Variants in LMF1 observed in about 807,000 individuals in gnomAD.
LMF1 encodes the protein transmembrane protein 112.
A neutral mutation model predicts 60.6 loss-of-function variants in LMF1; 68 were observed. That is an observed-to-expected ratio of 1.12 (90% confidence interval 0.92 to 1.37). LMF1 has a LOEUF of 1.37. LMF1 is among the 40% of genes most tolerant of loss of function. The pLI is 0.00. For missense variants in LMF1, 948 were observed against 767.2 expected, an observed-to-expected ratio of 1.24 and a Z score of -2.78; for synonymous variants, 418 against 324.7, an observed-to-expected ratio of 1.29 and a Z score of -3.09.
At chr16:895,083 G>GC in intron 4 of LMF1, among the ~76,000 whole-genome samples, 1 of 152,298 alleles carries the variant, frequency 6.6e-6, no homozygotes, top group South Asian at 2.1e-4. Flanking sequence ...CCCCTGGAAC[G>GC]CAGGGTCCCA....
At chr16:881,208 G>A (rs1012637771) in intron 5 of LMF1, among the ~76,000 whole-genome samples, 1 of 152,122 alleles carries the variant, frequency 6.6e-6, no homozygotes, top group African/African-American at 2.4e-5. Context: ...CCGAGGGGGT[G>A]ACCGGGCACA....
At chr16:908,266 T>G (rs1215788869) in intron 4 of LMF1, among the ~76,000 whole-genome samples, 1 of 152,106 alleles carries the variant, frequency 6.6e-6, no homozygotes, top group Non-Finnish European at 1.5e-5. Flanking sequence ...CATGGAAACA[T>G]CTCTAGTATT....
At chr16:888,699 G>A (rs373415459) in intron 5 of LMF1, among the ~76,000 whole-genome samples, 24 of 151,792 alleles carry the variant, frequency 1.6e-4, no homozygotes, top group Middle Eastern at 6.8e-3. Context: ...GTCGACAGAC[G>A]GAGCAGTGGC....
intron 4 of LMF1, chr16:900,679 T>TTGTGTGTGTGTGTGTG (rs1415329144): frequency 9.2e-6 from 1 of 108,674 alleles, no homozygotes; most frequent in Non-Finnish European, 2.0e-5. Flanking sequence ...CTGCTAATTT[T>TTGTGTGTGTGTGTGTG]TATGTGTGTG....
intron 5 of LMF1, among the ~76,000 whole-genome samples, chr16:880,824 G>A (rs1338590254): frequency 2.0e-5 from 3 of 152,360 alleles, no homozygotes; most frequent in East Asian, 1.9e-4. Flanking sequence ...TGTGTGAGTC[G>A]GTGAGCCCAG....
At chr16:894,337 T>C (rs1330829219) in intron 4 of LMF1, among the ~76,000 whole-genome samples, 1 of 143,440 alleles carries the variant, frequency 7.0e-6, no homozygotes, top group Non-Finnish European at 1.5e-5. Flanking sequence ...CGTCCCCCTG[T>C]CCACCGGACC....
At chr16:893,343 T>C in intron 4 of LMF1, 1 of 578,102 alleles carries the variant, frequency 1.7e-6, no homozygotes, top group Non-Finnish European at 3.3e-6. Flanking sequence ...ACACTCATTC[T>C]CAGAGCTCCA....
upstream of LMF1, among the ~76,000 whole-genome samples, chr16:972,794 G>A (rs558764130): frequency 5.3e-5 from 8 of 152,222 alleles, no homozygotes; most frequent in Non-Finnish European, 8.8e-5. Context: ...CCAGCGCTCC[G>A]GGCTCCGGCT....
intron 10 of LMF1, among the ~76,000 whole-genome samples, chr16:859,178 G>A (rs1195759754): frequency 1.0e-4 from 13 of 126,612 alleles, no homozygotes; most frequent in Non-Finnish European, 2.1e-4. Context: ...ACGGGTGTGA[G>A]TGGTGTCTCG....
intron 5 of LMF1, among the ~76,000 whole-genome samples, chr16:888,689 G>A (rs1485483173): frequency 1.3e-5 from 2 of 152,172 alleles, no homozygotes; most frequent in Non-Finnish European, 2.9e-5. Flanking sequence ...CCCGTCCCTG[G>A]TCGACAGACG....
At chr16:900,679 TTATG>T (rs1206668783) in intron 4 of LMF1, 39 of 108,746 alleles carry the variant, frequency 3.6e-4, no homozygotes, top group African/African-American at 1.1e-3. Context: ...CTGCTAATTT[TTATG>T]TGTGTGTGTG....
intron 3 of LMF1, among the ~76,000 whole-genome samples, chr16:927,990 C>G (rs1203875043): frequency 6.6e-6 from 1 of 152,178 alleles, no homozygotes; most frequent in Non-Finnish European, 1.5e-5. Flanking sequence ...AAGAGCACAG[C>G]AGCAAAACCC....
At chr16:895,616 G>A (rs938288568) in intron 4 of LMF1, among the ~76,000 whole-genome samples, 22 of 152,282 alleles carry the variant, frequency 1.4e-4, no homozygotes, top group South Asian at 6.2e-4. Context: ...TGGGGCTCGC[G>A]AGACTGGCGG....
chr16:940,956 T>C (rs1597039257), intron 2 of LMF1, among the ~76,000 whole-genome samples: 2 of 152,344 alleles, frequency 1.3e-5, no homozygotes, highest in South Asian at 2.1e-4. Flanking sequence ...CTGCAATTTT[T>C]GCTTCATATA....
chr16:863,210 G>C (rs1243539305), intron 10 of LMF1, among the ~76,000 whole-genome samples: 4 of 152,318 alleles, frequency 2.6e-5, no homozygotes, highest in Non-Finnish European at 2.9e-5. Context: ...GTGTCGCCCA[G>C]GCTGGAGTGC....
intron 3 of LMF1, chr16:931,912 G>GA (rs924754851): frequency 2.6e-5 from 20 of 776,312 alleles, no homozygotes; most frequent in Non-Finnish European, 3.5e-5. Flanking sequence ...TGCTACCGAA[G>GA]AATCAGTTAG....
At chr16:886,021 T>A (rs1021616831) in intron 5 of LMF1, among the ~76,000 whole-genome samples, 2 of 152,254 alleles carry the variant, frequency 1.3e-5, no homozygotes, top group African/African-American at 4.8e-5. Context: ...ATAAAGGAAT[T>A]AAATTAGAAA....
intron 4 of LMF1, among the ~76,000 whole-genome samples, chr16:907,646 G>C (rs7206374): frequency 3.3e-5 from 5 of 152,034 alleles, no homozygotes; most frequent in African/African-American, 1.2e-4. Flanking sequence ...CCAAGCTGAC[G>C]GTGCGGCGCT....
chr16:916,890 G>GGTCCTC (rs2071293403), intron 3 of LMF1, among the ~76,000 whole-genome samples: 1 of 152,254 alleles, frequency 6.6e-6, no homozygotes, highest in African/African-American at 2.4e-5. Flanking sequence ...GATCCTCTGA[G>GGTCCTC]TGTTGAGCTC....
Sources: allele counts gnomAD v4.1 joint callset (sites outside exome capture counted in the v4.1 genomes callset), GRCh38; gene constraint gnomAD v4.1.1; transcripts MANE v1.5; gene names NCBI Gene and HGNC (gene_info 2026-07-23, HGNC 2026-07-21).